Variants in CRELD2 observed in about 807,000 individuals in gnomAD.
CRELD2 encodes the protein protein disulfide isomerase CRELD2.
CRELD2 carries 33 observed loss-of-function variants against 48.1 expected under a neutral mutation model. The ratio of observed to expected loss-of-function variants is 0.69; its 90% CI spans 0.52 to 0.92. CRELD2 has a LOEUF of 0.92. Ranked by LOEUF, CRELD2 falls within the 40% of genes least tolerant of loss-of-function variation. The probability of loss-of-function intolerance (pLI) is 0.00; values close to 1 mark genes in which losing one functional copy is unlikely to be tolerated. For synonymous variants in CRELD2, 220 were observed against 203.9 expected, an observed-to-expected ratio of 1.08 and a Z score of -0.67; for missense variants, 477 against 482.4, an observed-to-expected ratio of 0.99 and a Z score of 0.10.
At chr22:49,922,139 G>A (rs891738157) in intron 5 of CRELD2, 1 of 831,844 alleles carries the variant, frequency 1.2e-6, no homozygotes, top group Admixed American at 3.0e-5. Flanking sequence ...TCTTTCCAAA[G>A]GACGTTTTCT....
chr22:49,926,995 C>T (rs1243451476), intron 9 of CRELD2, among the ~76,000 whole-genome samples: 2 of 144,824 alleles, frequency 1.4e-5, no homozygotes, highest in Admixed American at 7.0e-5. Context: ...TCTGCCAGGC[C>T]GCAAGGAACC....
intron 7 of CRELD2, chr22:49,924,145 G>C (rs1171925844): frequency 8.3e-6 from 4 of 481,186 alleles, no homozygotes; most frequent in African/African-American, 2.0e-5. Context: ...CAAGCCAGGT[G>C]GTCTGCACCA....
chr22:49,922,756 G>C (rs1176795449), intron 6 of CRELD2, 49 bp downstream of exon 6: 2 of 1,082,852 alleles, frequency 1.8e-6, no homozygotes, highest in Non-Finnish European at 2.5e-6. Context: ...GAGGCGTGGG[G>C]GGTGTGAGAT....
At chr22:49,921,917 A>G in intron 5 of CRELD2, 156 bp downstream of exon 5, 1 of 733,614 alleles carries the variant, frequency 1.4e-6, no homozygotes, top group Non-Finnish European at 2.2e-6. Context: ...TGAAAACATC[A>G]GAGGATAGAG....
chr22:49,924,540 A>G, intron 8 of CRELD2, 85 bp downstream of exon 8: 1 of 1,038,954 alleles, frequency 9.6e-7, no homozygotes, highest in Non-Finnish European at 1.4e-6. Flanking sequence ...ACTGCCAGGG[A>G]TGGGAAGCAG....
chr22:49,919,220 C>G lies in CRELD2; in HGVS notation c.130-10C>G. 6.2e-7 allele frequency: 1 copy of G among 1,613,402 alleles called. No individual in the cohort carries two copies. The highest frequency in any genetic ancestry group is 1.1e-5 in the South Asian group (1 of 91,066). ...TGGTACCAAGCACTATGGGCACTGT[C>G]TCCTCGCAGGGGATGGTGGACACCG... On this transcript the variant is annotated splice_polypyrimidine_tract_variant and intron_variant, in intron 1 of 9. Transcript: ENST00000328268.
rs562253246 is a variant in CRELD2, at chr22:49,919,635, C to T, written c.213-95C>T. 38 of 904,084 alleles carry T rather than the reference C, an allele frequency of 4.2e-5. 1 individual carries two copies. The East Asian group carries it at 1.0e-3, about 24-fold the overall frequency. 56.0% of individuals were successfully genotyped at this position (904,084 alleles called of 1,614,324 possible). On this transcript the variant is annotated intron_variant, in intron 2 of 9. Transcript: ENST00000328268. ...ATTCTCTGTGCCCGGAGTCCTGGCT[C>T]CCCGGCCCCTGCACCCAGGTTGGCG...
intron 9 of CRELD2, chr22:49,925,892 C>A: frequency 2.1e-6 from 1 of 467,834 alleles, no homozygotes; most frequent in Non-Finnish European, 3.2e-6. Flanking sequence ...TCCGGGGAAG[C>A]TGCCCAGGGT....
intron 9 of CRELD2, chr22:49,925,888 G>A (rs1168059721): frequency 1.8e-5 from 9 of 508,482 alleles, no homozygotes; most frequent in African/African-American, 1.6e-4. Context: ...GTCATCCGGG[G>A]AAGCTGCCCA....
chr22:49,927,041 C>T (rs1224721729), intron 9 of CRELD2, among the ~76,000 whole-genome samples: 1 of 149,872 alleles, frequency 6.7e-6, no homozygotes, highest in Non-Finnish European at 1.5e-5. Flanking sequence ...TCCACACCCA[C>T]GGCAGCGTGG....
rs2060687727 is a variant in CRELD2 at position 49,921,613 on chromosome 22, C to T, written c.444C>T (p.Cys148=). ...GCCAGGGCGGATCCCAGAGGCCCTG[C>T]AGCGGGAATGGCCACTGCAGCGGAG... ...LACQGGSQRP[C]SGNGHCSGDG... The change falls in exon 5 of 10, where the codon TGC becomes TGT. Residue 148 remains cysteine, a synonymous_variant. Coordinates refer to ENST00000328268, the MANE Select transcript of CRELD2 (RefSeq NM_024324.5). 6.2e-7 allele frequency: 1 copy of T among 1,612,738 alleles called. No individual in the cohort carries two copies. The highest frequency in any genetic ancestry group is 1.3e-5 in the African/African-American group (1 of 75,040).
At position 49,927,373 on chromosome 22, in the gene CRELD2, C is replaced by A; in HGVS notation, c.*66C>A. ...CGTGGAAAATGTGGCCCTGAGGATG[C>A]CGTCTCCTGCAGTGGACAGCGGCGG... On this transcript the variant is annotated 3_prime_UTR_variant, in exon 10 of 10. Coordinates refer to ENST00000328268, the MANE Select transcript of CRELD2 (RefSeq NM_024324.5). 7.3e-7 allele frequency: 1 copy of A among 1,376,048 alleles called. No individual in the cohort carries two copies. The highest frequency in any genetic ancestry group is 1.0e-6 in the Non-Finnish European group (1 of 964,986). The allele number at this position is 1,376,048 out of a possible 1,614,324, so 85.2% of individuals were successfully genotyped here.
At position 49,919,265 on chromosome 22, in the gene CRELD2, C is replaced by A. The variant is rs564412416; in HGVS notation, c.165C>A (p.Gly55=). 1 of 1,613,724 alleles carries A rather than the reference C, an allele frequency of 6.2e-7. No homozygotes were observed. Among genetic ancestry groups the A allele is most frequent in the East Asian group, 2.2e-5 (1 of 44,882 alleles). Residue 55 remains glycine, a synonymous_variant, in exon 2 of 10, where the codon GGC becomes GGA. Coordinates refer to ENST00000328268, the MANE Select transcript of CRELD2 (RefSeq NM_024324.5). ...MVDTAKKNFG[G]GNTAWEEKTL... ...ACACCGCAAAGAAGAACTTTGGCGG[C>A]GGGAACACGGCTTGGGAGGAAAAGA... is the stretch of plus-strand genomic sequence containing the variant.
At chr22:49,922,871 GGGGGCGTGAGGTGTGGGGGAGCATGAGGT>G (rs1276251256) in intron 6 of CRELD2, among the ~76,000 whole-genome samples, 164 bp downstream of exon 6, 3 of 71,960 alleles carry the variant, frequency 4.2e-5, no homozygotes, top group Admixed American at 2.3e-4. Flanking sequence ...TTGGGGTGTG[GGGGGCGTGAGGTGTGGGGGAGCATGAGGT>G]GGGGCGTGAG....
chr22:49,925,845 C>T (rs963554097), intron 9 of CRELD2: 59 of 916,332 alleles, frequency 6.4e-5, no homozygotes, highest in African/African-American at 5.3e-4. Flanking sequence ...GAGGAGCAGA[C>T]GCAGGAGAAG....
Position 49,919,731 on chromosome 22 carries a change from G to A in CRELD2, c.214G>A (p.Glu72Lys), listed in dbSNP as rs1375383540. The change falls in exon 3 of 10, where the codon GAG becomes AAG. Residue 72 changes from glutamate to lysine, a missense_variant and splice_region_variant. Physicochemically the swap from Glu to Lys is moderately conservative, Grantham distance 56. Transcript: ENST00000328268. ...EKTLSKYESS[E>K]IRLLEILEGL... is the part of the protein sequence containing the mutation. ...GGCCGGTGTGGGCCTGTGTTTCAGC[G>A]AGATTCGCCTGCTGGAGATCCTGGA... The A allele has an allele frequency of 2.5e-6, 4 of 1,605,504 alleles. No individual in the cohort carries two copies. The East Asian group carries it at 9.0e-5, about 36-fold the overall frequency.
chr22:49,920,923 C>T (rs758573346), intron 4 of CRELD2, among the ~76,000 whole-genome samples: 10 of 152,366 alleles, frequency 6.6e-5, no homozygotes, highest in African/African-American at 9.6e-5. Flanking sequence ...CCGCGCCTGA[C>T]GCGTCAGTGT....
At chr22:49,922,561 A>G (rs111257439) in intron 5 of CRELD2, 51 bp from the exon 6 acceptor site, 18 of 1,491,600 alleles carry the variant, frequency 1.2e-5, no homozygotes, top group African/African-American at 1.1e-4. Context: ...CTTGTCCCCA[A>G]GCTGGTACCT....
Position 49,924,381 on chromosome 22 carries a change from G to A in CRELD2, c.794G>A (p.Gly265Asp). Residue 265 changes from glycine (G) to aspartate (D), a missense_variant, in exon 8 of 10, where the codon GGC becomes GAC. Physicochemically the swap from Gly to Asp is moderately conservative, Grantham distance 94. Coordinates refer to ENST00000328268, the MANE Select transcript of CRELD2 (RefSeq NM_024324.5). ...GCAGAGTGTGACTCCAGCTGTGTGGGCTGCACAGGGGAAGGCCCAGGAAAC... is the reference window on the plus strand; with the variant it reads ...GCAGAGTGTGACTCCAGCTGTGTGGACTGCACAGGGGAAGGCCCAGGAAAC... Reference protein sequence around the residue: ...TCEECDSSCVGCTGEGPGNCK... With the variant: ...TCEECDSSCVDCTGEGPGNCK... 1 of 1,612,182 alleles carries A rather than the reference G, an allele frequency of 6.2e-7. No individual in the cohort carries two copies.
Sources: gnomAD v4.1 joint callset for allele counts (sites outside exome capture counted in the v4.1 genomes callset) on GRCh38, gnomAD v4.1.1 for gene constraint, MANE v1.5 for transcripts, NCBI Gene and HGNC (gene_info 2026-07-23, HGNC 2026-07-21) for gene names.